DIAPH3: variants seen among roughly 807,000 people sequenced by gnomAD.
The protein encoded by DIAPH3 is diaphanous related formin 3, also known as protein diaphanous homolog 3.
In DIAPH3, 117 loss-of-function variants were observed where a neutral mutation model predicts 144.3. The observed-to-expected ratio is 0.81, with a 90% CI of 0.70 to 0.95. The LOEUF is 0.95. DIAPH3 is among the 40% of genes least tolerant of loss of function. The pLI is 0.00. For synonymous variants in DIAPH3, 519 were observed against 488.9 expected (o/e 1.06, Z -0.81); for missense variants, 1,421 against 1,412.7 (o/e 1.01, Z -0.09).
chr13:60,034,886 C>T (rs1018665046), intron 5 of DIAPH3: 2 of 152,156 alleles, frequency 1.3e-5, no homozygotes, highest in African/African-American at 2.4e-5. Flanking sequence ...CATGAGCTCT[C>T]GTAGTTATAT....
chr13:59,963,033 G>T (rs1469146720), intron 17 of DIAPH3, among the ~76,000 whole-genome samples: 1 of 152,058 alleles, frequency 6.6e-6, no homozygotes, highest in African/African-American at 2.4e-5. Context: ...TTCAAGTTCA[G>T]ACCCCAGAAT....
rs1484032529 is a variant in DIAPH3, at chr13:59,666,254, A to G, written c.*330T>C. On this transcript the variant is annotated 3_prime_UTR_variant, in exon 28 of 28. Transcript: ENST00000400324. ...AATTCCAGTGGCTTAGAAAGATGGT[A>G]TTTTCTTAAGGACACACTGCTGAAC... 6 of 212,606 alleles carry G rather than the reference A, an allele frequency of 2.8e-5. No individual in the cohort carries two copies. The South Asian group carries it at 4.5e-4, about 16-fold the overall frequency. The allele number at this position is 212,606 out of a possible 1,614,324, so 13.2% of individuals were successfully genotyped here.
intron 17 of DIAPH3, among the ~76,000 whole-genome samples, chr13:59,944,032 C>G (rs1207700690): frequency 6.6e-6 from 1 of 151,916 alleles, no homozygotes; most frequent in Non-Finnish European, 1.5e-5. Context: ...GGCAACATGG[C>G]AAGACCATGT....
chr13:59,710,200 C>A (rs1024897594), intron 27 of DIAPH3, among the ~76,000 whole-genome samples: 18 of 149,684 alleles, frequency 1.2e-4, no homozygotes, highest in African/African-American at 4.4e-4. Context: ...ACATATGTAA[C>A]TAACCTGCAC....
At chr13:59,990,681 G>T (rs2051752034) in intron 12 of DIAPH3, among the ~76,000 whole-genome samples, 1 of 151,876 alleles carries the variant, frequency 6.6e-6, no homozygotes, top group South Asian at 2.1e-4. Flanking sequence ...GTTAACCTCA[G>T]ATGGCTAGGA....
At chr13:59,775,824 C>A (rs2038385238) in intron 25 of DIAPH3, among the ~76,000 whole-genome samples, 1 of 152,096 alleles carries the variant, frequency 6.6e-6, no homozygotes, top group African/African-American at 2.4e-5. Flanking sequence ...AAATTGATAT[C>A]CTGTATATAA....
chr13:59,673,271 T>C lies in DIAPH3; in HGVS notation c.3320-6425A>G, dbSNP rs540378961. Among the ~76,000 whole-genome samples, 7 of 152,352 alleles carry C rather than the reference T, an allele frequency of 4.6e-5. No individual in the cohort carries two copies. In the East Asian group the frequency reaches 1.2e-3, roughly 25 times the overall value. On this transcript the variant is annotated intron_variant, in intron 27 of 27. Coordinates refer to ENST00000400324, the MANE Select transcript of DIAPH3 (RefSeq NM_001042517.2). ...CTTTTTCATCTCTCCCCTCAATTCT[T>C]AGCAATTCTAATTTGGCTTTCATCC...
intron 27 of DIAPH3, among the ~76,000 whole-genome samples, chr13:59,763,392 T>C (rs1454660445): frequency 1.3e-5 from 2 of 151,994 alleles, no homozygotes; most frequent in Admixed American, 6.6e-5. Context: ...GAAATAGTCT[T>C]TTAGGCTGTG....
chr13:59,996,150 A>T (rs968957382), intron 9 of DIAPH3, among the ~76,000 whole-genome samples: 8 of 152,032 alleles, frequency 5.3e-5, no homozygotes, highest in Non-Finnish European at 1.0e-4. Context: ...GTGACTTGAC[A>T]AGAATAGTTT....
chr13:60,027,998 T>C (rs1404515379), intron 5 of DIAPH3, among the ~76,000 whole-genome samples: 5 of 152,214 alleles, frequency 3.3e-5, no homozygotes, highest in Non-Finnish European at 5.9e-5. Context: ...CTTGATTCTA[T>C]AAATTTCATT....
chr13:59,873,158 C>G (rs2044381908), intron 21 of DIAPH3, among the ~76,000 whole-genome samples: 1 of 152,108 alleles, frequency 6.6e-6, no homozygotes, highest in Admixed American at 6.5e-5. Context: ...TAACTGGCTG[C>G]ATGTAAAATA....
intron 20 of DIAPH3, among the ~76,000 whole-genome samples, chr13:59,880,700 A>G (rs1378614508): frequency 1.3e-5 from 2 of 152,116 alleles, no homozygotes; most frequent in Non-Finnish European, 2.9e-5. Flanking sequence ...GCAATAAAGA[A>G]TTAGTTCTTT....
intron 27 of DIAPH3, among the ~76,000 whole-genome samples, chr13:59,684,361 C>G (rs891340231): frequency 1.3e-5 from 2 of 152,140 alleles, no homozygotes; most frequent in Non-Finnish European, 1.5e-5. Context: ...TGGTTAGTTG[C>G]AAACGGTACA....
At chr13:60,155,822 G>A (rs192613919) in intron 1 of DIAPH3, among the ~76,000 whole-genome samples, 5 of 152,304 alleles carry the variant, frequency 3.3e-5, no homozygotes, top group Admixed American at 2.0e-4. Flanking sequence ...GACAAAACAT[G>A]AATGGAGGTT....
At chr13:59,846,868 G>A (rs1249448815) in intron 22 of DIAPH3, among the ~76,000 whole-genome samples, 1 of 152,146 alleles carries the variant, frequency 6.6e-6, no homozygotes, top group Non-Finnish European at 1.5e-5. Flanking sequence ...TTGAGGCCAG[G>A]GGTTTGAGAC....
chr13:60,037,759 T>A (rs1172871996), intron 5 of DIAPH3, among the ~76,000 whole-genome samples: 1 of 152,004 alleles, frequency 6.6e-6, no homozygotes, highest in Non-Finnish European at 1.5e-5. Flanking sequence ...AATTCCAACA[T>A]ATTTTCACAA....
At chr13:59,821,781 TAGG>T (rs2041088325) in intron 24 of DIAPH3, among the ~76,000 whole-genome samples, 1 of 152,120 alleles carries the variant, frequency 6.6e-6, no homozygotes, top group Non-Finnish European at 1.5e-5. Context: ...TCAATGAAAA[TAGG>T]AGAACATGAT....
At chr13:59,716,022 T>C (rs1411719717) in intron 27 of DIAPH3, among the ~76,000 whole-genome samples, 1 of 152,170 alleles carries the variant, frequency 6.6e-6, no homozygotes, top group Non-Finnish European at 1.5e-5. Context: ...TGCACAAAAA[T>C]GTCACTTAAC....
intron 2 of DIAPH3, among the ~76,000 whole-genome samples, chr13:60,126,606 A>G (rs955872479): frequency 1.3e-5 from 2 of 152,212 alleles, no homozygotes; most frequent in African/African-American, 4.8e-5. Context: ...CCAACCATTC[A>G]GAATATACAC....
Sources: gnomAD v4.1 joint callset for allele counts (sites outside exome capture counted in the v4.1 genomes callset) on GRCh38, gnomAD v4.1.1 for gene constraint, MANE v1.5 for transcripts, NCBI Gene and HGNC (gene_info 2026-07-23, HGNC 2026-07-21) for gene names.